Variants in ARHGAP15 observed in about 807,000 individuals in gnomAD.
The protein encoded by ARHGAP15 is Rho GTPase activating protein 15.
Under a neutral mutation model 63.7 loss-of-function variants are expected in ARHGAP15, and 51 were observed. The ratio of observed to expected loss-of-function variants is 0.80; its 90% CI spans 0.64 to 1.01. The LOEUF (loss-of-function observed/expected upper bound fraction) is 1.01. ARHGAP15 is among the 50% of genes least tolerant of loss of function. ARHGAP15 has a pLI of 0.00. For missense variants in ARHGAP15, 560 were observed against 564.6 expected (o/e 0.99, Z 0.08); for synonymous variants, 191 against 193.8 (o/e 0.99, Z 0.12).
intron 6 of ARHGAP15, among the ~76,000 whole-genome samples, chr2:143,428,613 C>T (rs139578498): frequency 6.6e-6 from 1 of 152,036 alleles, no homozygotes; most frequent in East Asian, 1.9e-4. Flanking sequence ...TAATAATATA[C>T]ATGATATTTT....
intron 6 of ARHGAP15, among the ~76,000 whole-genome samples, chr2:143,433,064 T>G (rs1412503087): frequency 2.0e-5 from 3 of 152,088 alleles, no homozygotes; most frequent in African/African-American, 7.2e-5. Flanking sequence ...TCAAAAGATT[T>G]AGTCAGAGCT....
At chr2:143,188,425 T>G (rs1223284991) in intron 2 of ARHGAP15, among the ~76,000 whole-genome samples, 1 of 151,834 alleles carries the variant, frequency 6.6e-6, no homozygotes, top group Non-Finnish European at 1.5e-5. Context: ...TATCTATCTT[T>G]TGGCCAAACA....
chr2:143,494,050 A>G (rs1574527690), intron 9 of ARHGAP15, among the ~76,000 whole-genome samples: 1 of 152,314 alleles, frequency 6.6e-6, no homozygotes, highest in East Asian at 1.9e-4. Context: ...GATAATGTAT[A>G]TAGTGGACAG....
chr2:143,538,761 G>A (rs1694899221), intron 10 of ARHGAP15, among the ~76,000 whole-genome samples: 1 of 152,266 alleles, frequency 6.6e-6, no homozygotes, highest in Admixed American at 6.5e-5. Flanking sequence ...GCTTTTTGAT[G>A]TGCTGCTGGA....
At chr2:143,409,189 T>C (rs867815490) in intron 6 of ARHGAP15, among the ~76,000 whole-genome samples, 5 of 151,998 alleles carry the variant, frequency 3.3e-5, no homozygotes, top group African/African-American at 7.2e-5. Context: ...ATGTAAAGCA[T>C]GTTCTTTGAA....
chr2:143,227,707 A>T (rs570335779), intron 4 of ARHGAP15, among the ~76,000 whole-genome samples: 4 of 152,234 alleles, frequency 2.6e-5, no homozygotes, highest in Admixed American at 2.0e-4. Flanking sequence ...TCATTATTCC[A>T]TTATATGGAC....
chr2:143,702,769 G>T (rs11688898), intron 12 of ARHGAP15, among the ~76,000 whole-genome samples: 5,537 of 152,028 alleles, frequency 0.036, 152 homozygotes, highest in Non-Finnish European at 0.058. Flanking sequence ...GCCCCTCATC[G>T]CATACCCTCT....
At chr2:143,562,496 C>T (rs1222339221) in intron 11 of ARHGAP15, among the ~76,000 whole-genome samples, 1 of 152,230 alleles carries the variant, frequency 6.6e-6, no homozygotes, top group African/African-American at 2.4e-5. Context: ...ATCACAGCAA[C>T]AACGAAACAA....
At chr2:143,760,231 A>T (rs190373206) in intron 13 of ARHGAP15, among the ~76,000 whole-genome samples, 31 of 152,310 alleles carry the variant, frequency 2.0e-4, no homozygotes, top group Admixed American at 3.3e-4. Context: ...TCTCTAATAG[A>T]ATGCGTTTAT....
At chr2:143,596,042 C>T (rs1333707117) in intron 11 of ARHGAP15, among the ~76,000 whole-genome samples, 3 of 152,084 alleles carry the variant, frequency 2.0e-5, no homozygotes, top group Non-Finnish European at 4.4e-5. Context: ...CTCAACTTTT[C>T]CCCAAACCAC....
chr2:143,685,848 G>C (rs1292170743), intron 12 of ARHGAP15, among the ~76,000 whole-genome samples: 2 of 152,080 alleles, frequency 1.3e-5, no homozygotes, highest in Non-Finnish European at 2.9e-5. Context: ...CTGAAATTTG[G>C]TAGTGGTTCA....
intron 3 of ARHGAP15, among the ~76,000 whole-genome samples, chr2:143,204,156 C>G (rs940702669): frequency 1.3e-5 from 2 of 152,134 alleles, no homozygotes; most frequent in African/African-American, 2.4e-5. Context: ...ACCACCATTA[C>G]TATCATCTGT....
At chr2:143,552,263 C>T (rs1422168570) in intron 10 of ARHGAP15, among the ~76,000 whole-genome samples, 1 of 152,126 alleles carries the variant, frequency 6.6e-6, no homozygotes, top group Non-Finnish European at 1.5e-5. Flanking sequence ...CACCACTCAA[C>T]CAGGCTCAAA....
chr2:143,196,919 T>C (rs937377538), intron 2 of ARHGAP15, among the ~76,000 whole-genome samples: 12 of 151,958 alleles, frequency 7.9e-5, no homozygotes, highest in Non-Finnish European at 1.6e-4. Flanking sequence ...GAAATAAAGT[T>C]GTATCAAGCT....
intron 8 of ARHGAP15, among the ~76,000 whole-genome samples, chr2:143,456,563 T>C (rs1194454121): frequency 3.3e-5 from 5 of 151,988 alleles, no homozygotes. Context: ...AAAATAAAAT[T>C]TTGTATTCAC....
In ARHGAP15 at chr2:143,748,066, T is replaced by C. The variant is rs182782862; in HGVS notation, c.1245-19923T>C. ...AATTTTAGAATATAGAACAAAAAGA[T>C]GAGAATTACAAAATTAAGTTGTGAA... On this transcript the variant is annotated intron_variant, in intron 13 of 13. Transcript: ENST00000295095. Among the ~76,000 whole-genome samples, 13 of 152,330 alleles carry C rather than the reference T, an allele frequency of 8.5e-5. No homozygotes were observed. The South Asian group carries it at 1.7e-3, about 19-fold the overall frequency.
chr2:143,764,682 G>A (rs1039287755), intron 13 of ARHGAP15, among the ~76,000 whole-genome samples: 1 of 151,962 alleles, frequency 6.6e-6, no homozygotes, highest in African/African-American at 2.4e-5. Context: ...CTCCACTAAT[G>A]AGCTCTTTCA....
intron 13 of ARHGAP15, among the ~76,000 whole-genome samples, chr2:143,717,884 T>A (rs182138594): frequency 6.6e-6 from 1 of 152,046 alleles, no homozygotes; most frequent in East Asian, 1.9e-4. Context: ...TAATATATAT[T>A]TTTTAATTGT....
chr2:143,703,717 CT>C, intron 13 of ARHGAP15, 193 bp downstream of exon 13: 1 of 474,884 alleles, frequency 2.1e-6, no homozygotes. Flanking sequence ...AAAGGAACTT[CT>C]GAAATAACTT....
Sources: gnomAD v4.1 joint callset for allele counts (sites outside exome capture counted in the v4.1 genomes callset) on GRCh38, gnomAD v4.1.1 for gene constraint, MANE v1.5 for transcripts, NCBI Gene and HGNC (gene_info 2026-07-23, HGNC 2026-07-21) for gene names.